The following CSMD1 variants were observed in gnomAD, a reference collection of about 807,000 sequenced individuals.
The protein encoded by CSMD1 is CUB and Sushi multiple domains 1.
A neutral mutation model predicts 417.5 loss-of-function variants in CSMD1; 213 were observed. That is an observed-to-expected ratio of 0.51 (90% CI 0.46 to 0.57). CSMD1 has a LOEUF of 0.57. Among genes scored for constraint, CSMD1 ranks in the 20% least tolerant of loss-of-function variants. CSMD1 has a pLI of 0.00. For synonymous variants in CSMD1, 2,862 were observed against 1,736.8 expected, an observed-to-expected ratio of 1.65 and a Z score of -16.11; for missense variants, 6,923 against 4,529.7, an observed-to-expected ratio of 1.53 and a Z score of -15.17.
chr8:4,531,420 T>C (rs1308017065), intron 2 of CSMD1, among the ~76,000 whole-genome samples: 1 of 152,244 alleles, frequency 6.6e-6, no homozygotes, highest in Non-Finnish European at 1.5e-5. Context: ...ATCTCAACTC[T>C]ATTGATTGCT....
intron 1 of CSMD1, among the ~76,000 whole-genome samples, chr8:4,855,283 C>A (rs561601126): frequency 6.4e-4 from 97 of 151,782 alleles, no homozygotes; most frequent in African/African-American, 2.2e-3. Flanking sequence ...TCATCAAAGA[C>A]CAAAAGTAGA....
intron 3 of CSMD1, among the ~76,000 whole-genome samples, chr8:4,258,256 T>A (rs1253177822): frequency 7.2e-6 from 1 of 138,462 alleles, no homozygotes; most frequent in Non-Finnish European, 1.5e-5. Context: ...CTTCCTATCT[T>A]AAAGGCCTGT....
chr8:3,073,931 T>C (rs1021850087), intron 49 of CSMD1, among the ~76,000 whole-genome samples: 1 of 152,194 alleles, frequency 6.6e-6, no homozygotes, highest in African/African-American at 2.4e-5. Context: ...TTTCTTTTTA[T>C]TGCAACATAA....
intron 10 of CSMD1, among the ~76,000 whole-genome samples, chr8:3,529,790 G>C (rs1442578734): frequency 6.6e-6 from 1 of 151,954 alleles, no homozygotes; most frequent in African/African-American, 2.4e-5. Flanking sequence ...TTCCTCTTCT[G>C]AGCAATCCCT....
intron 2 of CSMD1, among the ~76,000 whole-genome samples, chr8:4,423,530 C>T (rs765756214): frequency 1.3e-5 from 2 of 151,906 alleles, no homozygotes; most frequent in East Asian, 3.9e-4. Context: ...GTACACAACA[C>T]TGAAGAAAAA....
intron 52 of CSMD1, among the ~76,000 whole-genome samples, chr8:3,015,840 G>T (rs1464698603): frequency 6.6e-6 from 1 of 152,126 alleles, no homozygotes; most frequent in Admixed American, 6.5e-5. Context: ...ACTGATAGGC[G>T]AGAGCGTGTC....
intron 3 of CSMD1, among the ~76,000 whole-genome samples, chr8:4,208,362 G>C (rs1005037280): frequency 6.6e-6 from 1 of 152,128 alleles, no homozygotes; most frequent in Admixed American, 6.5e-5. Flanking sequence ...GAGTAAGAGG[G>C]AAGCATTTCC....
At chr8:4,121,597 A>C (rs1802490785) in intron 3 of CSMD1, among the ~76,000 whole-genome samples, 1 of 150,182 alleles carries the variant, frequency 6.7e-6, no homozygotes, top group Non-Finnish European at 1.5e-5. Flanking sequence ...AGAGAAGTAA[A>C]TCATGTGCAT....
At chr8:3,332,354 C>A (rs1170772372) in intron 23 of CSMD1, among the ~76,000 whole-genome samples, 2 of 152,238 alleles carry the variant, frequency 1.3e-5, no homozygotes, top group African/African-American at 4.8e-5. Flanking sequence ...TGAGGGCTTG[C>A]CCGCTCCTCA....
intron 26 of CSMD1, among the ~76,000 whole-genome samples, chr8:3,238,007 T>A (rs918454201): frequency 3.7e-4 from 56 of 151,558 alleles, no homozygotes; most frequent in Non-Finnish European, 7.2e-4. Flanking sequence ...CGCGTCCGTG[T>A]GAAGAGACCA....
At chr8:3,741,957 C>T (rs1043012367) in intron 6 of CSMD1, among the ~76,000 whole-genome samples, 15 of 149,550 alleles carry the variant, frequency 1.0e-4, no homozygotes, top group African/African-American at 3.2e-4. Context: ...AAATCTAATT[C>T]CACTTTTTCC....
chr8:3,867,127 C>A (rs1805158622), intron 5 of CSMD1, among the ~76,000 whole-genome samples: 1 of 152,012 alleles, frequency 6.6e-6, no homozygotes, highest in Non-Finnish European at 1.5e-5. Context: ...TTCTACTATA[C>A]TGTTTTTCCA....
intron 26 of CSMD1, among the ~76,000 whole-genome samples, chr8:3,283,927 T>A (rs887007811): frequency 6.6e-6 from 1 of 152,248 alleles, no homozygotes; most frequent in Non-Finnish European, 1.5e-5. Context: ...GGTTATGCAT[T>A]TCTCTTAAGC....
intron 18 of CSMD1, among the ~76,000 whole-genome samples, chr8:3,378,962 T>C (rs1375507207): frequency 1.3e-5 from 2 of 152,256 alleles, no homozygotes; most frequent in African/African-American, 4.8e-5. Context: ...AAATTGTCTC[T>C]GTTTGGAGAT....
At chr8:4,355,346 T>TGA (rs1172897169) in intron 3 of CSMD1, among the ~76,000 whole-genome samples, 6 of 151,600 alleles carry the variant, frequency 4.0e-5, no homozygotes, top group African/African-American at 7.3e-5. Flanking sequence ...CACGTATATA[T>TGA]GATATATATA....
At chr8:4,742,695 G>T (rs1239614239) in intron 1 of CSMD1, among the ~76,000 whole-genome samples, 2 of 151,974 alleles carry the variant, frequency 1.3e-5, no homozygotes, top group African/African-American at 2.4e-5. Context: ...CAATCAGGTT[G>T]GTTTTATTAA....
intron 1 of CSMD1, among the ~76,000 whole-genome samples, chr8:4,884,241 G>C (rs1275071458): frequency 6.6e-6 from 1 of 151,804 alleles, no homozygotes; most frequent in Non-Finnish European, 1.5e-5. Flanking sequence ...ACATACCTAT[G>C]TTTATATATA....
intron 36 of CSMD1, among the ~76,000 whole-genome samples, chr8:3,186,491 T>C (rs1359623908): frequency 1.3e-5 from 2 of 152,210 alleles, no homozygotes; most frequent in African/African-American, 2.4e-5. Flanking sequence ...TAAATGGCCA[T>C]GCCCAAATAA....
intron 6 of CSMD1, among the ~76,000 whole-genome samples, chr8:3,752,947 A>T (rs901910990): frequency 2.0e-4 from 31 of 152,186 alleles, no homozygotes; most frequent in African/African-American, 7.5e-4. Context: ...CAGTTTGTTG[A>T]AAAATTACTA....
Sources: allele counts gnomAD v4.1 joint callset (sites outside exome capture counted in the v4.1 genomes callset), GRCh38; gene constraint gnomAD v4.1.1; transcripts MANE v1.5; gene names NCBI Gene and HGNC (gene_info 2026-07-23, HGNC 2026-07-21).